ANK2: variants seen among roughly 807,000 people sequenced by gnomAD.
The protein encoded by ANK2 is ankyrin 2.
A neutral mutation model predicts 360.5 loss-of-function variants in ANK2; 83 were observed. The ratio of observed to expected loss-of-function variants is 0.23; its 90% CI spans 0.19 to 0.28. The LOEUF is 0.28. Among genes scored for constraint, ANK2 ranks in the 10% least tolerant of loss-of-function variants. ANK2 has a pLI of 1.00. For missense variants in ANK2, 4,201 were observed against 4,795.7 expected (o/e 0.88, Z 3.66); for synonymous variants, 1,740 against 1,759.5 (o/e 0.99, Z 0.28).
chr4:113,232,250 T>C lies in ANK2; in HGVS notation c.474T>C (p.Thr158=). The C allele has an allele frequency of 1.3e-6, 2 of 1,581,820 alleles. No homozygotes were observed. Among genetic ancestry groups the C allele is most frequent in the Non-Finnish European group, 1.7e-6 (2 of 1,150,902 alleles). ...YLLENGANQS[T]ATEDGFTPLA... is the part of the protein sequence containing the mutation. ...TGGAAAATGGAGCTAATCAGAGCAC[T>C]GCTACAGAGGTAAGACTGTCAGCCC... Residue 158 remains threonine, a synonymous_variant, in exon 5 of 46, where the codon ACT becomes ACC. Coordinates refer to ENST00000357077, the MANE Select transcript of ANK2 (RefSeq NM_001148.6).
intron 1 of ANK2, among the ~76,000 whole-genome samples, chr4:112,898,045 A>G (rs1376623407): frequency 6.6e-6 from 1 of 152,184 alleles, no homozygotes; most frequent in African/African-American, 2.4e-5. Context: ...GAAGCCAACC[A>G]TCTTTATCAA....
intron 4 of ANK2, among the ~76,000 whole-genome samples, chr4:113,205,219 G>C (rs1424530050): frequency 9.3e-6 from 1 of 108,034 alleles, no homozygotes; most frequent in Non-Finnish European, 1.7e-5. Context: ...CTGGGCGACA[G>C]AGCAAGACTC....
intron 1 of ANK2, among the ~76,000 whole-genome samples, chr4:113,156,406 C>T (rs1317858199): frequency 8.9e-6 from 1 of 112,300 alleles, no homozygotes; most frequent in Non-Finnish European, 1.8e-5. Context: ...GTTTCACTCC[C>T]ATAGCCCAGG....
At chr4:112,735,748 T>C in the ANK2 span, among the ~76,000 whole-genome samples, 1 of 152,352 alleles carries the variant, frequency 6.6e-6, no homozygotes, top group South Asian at 2.1e-4. Context: ...AGTTCAGTAG[T>C]ATTAGGTTTA....
At chr4:113,006,518 A>G (rs2052925044) in intron 2 of ANK2, among the ~76,000 whole-genome samples, 1 of 152,220 alleles carries the variant, frequency 6.6e-6, no homozygotes, top group Non-Finnish European at 1.5e-5. Context: ...AGTCTTGGTA[A>G]TAATTTTTGT....
chr4:112,949,623 C>CA (rs1218632906), intron 2 of ANK2, among the ~76,000 whole-genome samples: 1 of 151,994 alleles, frequency 6.6e-6, no homozygotes, highest in Non-Finnish European at 1.5e-5. Context: ...CCATTTAGAA[C>CA]AAAAATAATT....
intron 20 of ANK2, among the ~76,000 whole-genome samples, chr4:113,290,830 G>A (rs1190119871): frequency 6.6e-6 from 1 of 152,206 alleles, no homozygotes; most frequent in East Asian, 1.9e-4. Flanking sequence ...ATGATTGGTA[G>A]CACTGGGTCT....
chr4:113,299,552 C>A (rs4834326), intron 22 of ANK2, among the ~76,000 whole-genome samples: 119,194 of 151,906 alleles, frequency 0.78, 46,964 homozygotes, highest in African/African-American at 0.85. Flanking sequence ...TACAAATACA[C>A]AAATGAGCCA....
intron 26 of ANK2, among the ~76,000 whole-genome samples, chr4:113,321,231 G>A (rs544414789): frequency 4.6e-5 from 7 of 152,248 alleles, no homozygotes; most frequent in Non-Finnish European, 7.4e-5. Flanking sequence ...TAAATAATTA[G>A]CACTTTGCCT....
At chr4:112,937,538 G>C (rs553874572) in intron 2 of ANK2, among the ~76,000 whole-genome samples, 4 of 151,852 alleles carry the variant, frequency 2.6e-5, no homozygotes, top group Non-Finnish European at 4.4e-5. Flanking sequence ...ATGTTGGCCA[G>C]GCTGGTCTCC....
chr4:113,307,566 C>T (rs762798101), intron 23 of ANK2, among the ~76,000 whole-genome samples: 3 of 151,966 alleles, frequency 2.0e-5, no homozygotes, highest in Non-Finnish European at 4.4e-5. Context: ...TGCCACCATG[C>T]TAATTTTTGT....
At chr4:112,798,028 T>A in the ANK2 span, 13 of 166,430 alleles carry the variant, frequency 7.8e-5, no homozygotes, top group Non-Finnish European at 1.5e-4. Flanking sequence ...TTCATCAAAG[T>A]AGCCATCAAA....
intron 1 of ANK2, among the ~76,000 whole-genome samples, chr4:112,828,546 A>T (rs1437957951): frequency 1.3e-5 from 2 of 152,148 alleles, no homozygotes; most frequent in African/African-American, 4.8e-5. Flanking sequence ...TTAAGGACTT[A>T]AATATAAAAT....
At chr4:112,932,457 A>T (rs2093340864) in intron 2 of ANK2, among the ~76,000 whole-genome samples, 1 of 150,284 alleles carries the variant, frequency 6.7e-6, no homozygotes, top group Non-Finnish European at 1.5e-5. Flanking sequence ...GCGCCACTAC[A>T]CTACAGCCTG....
At chr4:113,097,000 C>G (rs1186355786) in intron 1 of ANK2, among the ~76,000 whole-genome samples, 4 of 149,790 alleles carry the variant, frequency 2.7e-5, no homozygotes, top group African/African-American at 7.5e-5. Context: ...CCATCAAGGG[C>G]TATTTTATTT....
chr4:113,041,270 T>C (rs1463659322), intron 2 of ANK2, among the ~76,000 whole-genome samples: 2 of 152,156 alleles, frequency 1.3e-5, no homozygotes, highest in Non-Finnish European at 2.9e-5. Flanking sequence ...TGTTGAGCTC[T>C]TCACTCCCTG....
intron 2 of ANK2, among the ~76,000 whole-genome samples, chr4:113,006,905 C>T (rs1052172888): frequency 2.6e-5 from 4 of 152,098 alleles, no homozygotes; most frequent in Non-Finnish European, 4.4e-5. Flanking sequence ...CTGACTGACA[C>T]ATTTCTCTGA....
At chr4:112,768,288 C>T in the ANK2 span, among the ~76,000 whole-genome samples, 669 of 152,292 alleles carry the variant, frequency 4.4e-3, 1 homozygote, top group Non-Finnish European at 6.9e-3. Flanking sequence ...AGGTCTCACT[C>T]TGTCACCCAG....
intron 4 of ANK2, among the ~76,000 whole-genome samples, chr4:113,230,085 C>T (rs976850513): frequency 1.3e-5 from 2 of 152,078 alleles, no homozygotes; most frequent in Admixed American, 6.5e-5. Flanking sequence ...CACAAGATTT[C>T]GCCTGCTTGC....
Sources: allele counts gnomAD v4.1 joint callset (sites outside exome capture counted in the v4.1 genomes callset), GRCh38; gene constraint gnomAD v4.1.1; transcripts MANE v1.5; gene names NCBI Gene and HGNC (gene_info 2026-07-23, HGNC 2026-07-21).